The following MCF2 variants were observed in gnomAD, a reference collection of about 807,000 sequenced individuals.
MCF2 encodes the protein MCF.2 cell line derived transforming sequence.
In MCF2, 44 loss-of-function variants were observed where a neutral mutation model predicts 82.5. The ratio of observed to expected loss-of-function variants is 0.53; its 90% CI spans 0.42 to 0.69. MCF2 has a LOEUF of 0.69. MCF2 is among the 30% of genes least tolerant of loss of function. The pLI is 0.00. For synonymous variants in MCF2, 217 were observed against 224.9 expected, an observed-to-expected ratio of 0.96 and a Z score of 0.32; for missense variants, 623 against 663.1, an observed-to-expected ratio of 0.94 and a Z score of 0.66.
chrX:139,671,623 T>C (rs1350215175), intron 1 of MCF2, among the ~76,000 whole-genome samples: 1 of 111,704 alleles, frequency 9.0e-6, no homozygotes, highest in South Asian at 3.8e-4. Flanking sequence ...CAGATGGTTG[T>C]AGATGTCTGG....
exon 25 of MCF2, chrX:139,582,101 C>T: frequency 4.1e-6 from 1 of 241,082 alleles, no homozygotes; most frequent in South Asian, 6.6e-5. Context: ...CTTTACTTGA[C>T]CTTAGCCATT....
chrX:139,628,863 T>C lies in MCF2; in HGVS notation c.438+832A>G, dbSNP rs182759802. Among the ~76,000 whole-genome samples, 3 of 111,307 alleles carry C rather than the reference T, an allele frequency of 2.7e-5. No homozygotes were observed. In the East Asian group the frequency reaches 8.5e-4, roughly 32 times the overall value. ...CACAAAACAACACTCCACAAAGACCTGGATAGGAGAGCACAAACAATTTGC... is the reference window on the plus strand; with the variant it reads ...CACAAAACAACACTCCACAAAGACCCGGATAGGAGAGCACAAACAATTTGC... On this transcript the variant is annotated intron_variant, in intron 4 of 24. Coordinates refer to ENST00000370576, the Ensembl canonical transcript of MCF2.
At chrX:139,598,967 G>A (rs1369443668) in intron 16 of MCF2, among the ~76,000 whole-genome samples, 2 of 110,508 alleles carry the variant, frequency 1.8e-5, no homozygotes, top group African/African-American at 6.6e-5. Flanking sequence ...ATCAACTGGT[G>A]CTATACTTCA....
intron 1 of MCF2, among the ~76,000 whole-genome samples, chrX:139,699,835 G>A (rs996622420): frequency 2.2e-4 from 25 of 111,951 alleles, no homozygotes; most frequent in African/African-American, 2.9e-4. Flanking sequence ...TCCTGAGAAC[G>A]TTGTCATTTT....
At chrX:139,688,699 G>A (rs1417240749) in intron 1 of MCF2, among the ~76,000 whole-genome samples, 2 of 110,973 alleles carry the variant, frequency 1.8e-5, no homozygotes, top group South Asian at 3.9e-4. Flanking sequence ...ATCAGGTAAA[G>A]AAATGTGTGA....
intron 11 of MCF2, among the ~76,000 whole-genome samples, chrX:139,608,381 CAT>C (rs1569354782): frequency 4.5e-5 from 5 of 111,509 alleles, no homozygotes; most frequent in African/African-American, 1.6e-4. Flanking sequence ...CTCCCTGCCA[CAT>C]GTTAGTCGCT....
At chrX:139,611,094 T>G (rs764026494) in intron 10 of MCF2, among the ~76,000 whole-genome samples, 13 of 112,159 alleles carry the variant, frequency 1.2e-4, no homozygotes, top group Non-Finnish European at 2.1e-4. Flanking sequence ...GCCGAAGGCA[T>G]GGTCCAACCA....
At position 139,639,705 on chromosome X, in the gene MCF2, C is replaced by T. The variant is rs1603297608; in HGVS notation, c.51+2763G>A. Among the ~76,000 whole-genome samples, 4 of 112,043 alleles carry T rather than the reference C, an allele frequency of 3.6e-5. No individual in the cohort carries two copies. In the Admixed American group the frequency reaches 3.8e-4, roughly 11 times the overall value. On this transcript the variant is annotated intron_variant, in intron 1 of 24. Coordinates refer to ENST00000370576, the Ensembl canonical transcript of MCF2. ...GTCTAGAAATTAACCTTGTTTAATA[C>T]TCTTGTGTGTGCTCTCTAAGGGAGG...
rs760344891 is a variant in MCF2 at position 139,615,035 on chromosome X, T to C, written c.1209A>G (p.Ile403Met). The C allele has an allele frequency of 5.8e-6, 7 of 1,206,476 alleles. No individual in the cohort carries two copies. The South Asian group carries it at 1.2e-4, about 21-fold the overall frequency. ...TTCGAATGTTTTCAAGCTTGAGTTG[T>C]ATAGTCTTCATTTGAACCTGCGAGT... Residue 403 changes from isoleucine to methionine, a missense_variant, in exon 10 of 25, where the codon ATA (isoleucine) becomes ATG (methionine). Coordinates refer to ENST00000370576, the Ensembl canonical transcript of MCF2.
chrX:139,598,768 T>G (rs1256971307), intron 16 of MCF2, among the ~76,000 whole-genome samples: 3 of 111,995 alleles, frequency 2.7e-5, no homozygotes, highest in Non-Finnish European at 1.9e-5. Flanking sequence ...TGATGTGGAA[T>G]GCTTAAAAGG....
chrX:139,631,461 C>T lies in MCF2; in HGVS notation c.222G>A (p.Lys74=), dbSNP rs1932925291. ...TGCCGCCTAACTCAGGGGTTAATTGCTTGTCATCAATGTATGTCAGCAAAT... is the reference window on the plus strand; with the variant it reads ...TGCCGCCTAACTCAGGGGTTAATTGTTTGTCATCAATGTATGTCAGCAAAT... Residue 74 remains lysine, a synonymous_variant, in exon 3 of 25, where the codon AAG becomes AAA. Transcript: ENST00000370576. The T allele has an allele frequency of 3.3e-6, 4 of 1,207,075 alleles. No homozygotes were observed. In the Admixed American group the frequency reaches 6.5e-5, roughly 20 times the overall value.
At chrX:139,598,778 G>A (rs1003184423) in intron 16 of MCF2, among the ~76,000 whole-genome samples, 5 of 111,792 alleles carry the variant, frequency 4.5e-5, no homozygotes, top group African/African-American at 1.6e-4. Flanking sequence ...TGCTTAAAAG[G>A]TGTGAAAGCA....
At chrX:139,698,750 C>T (rs1233564829) in intron 1 of MCF2, among the ~76,000 whole-genome samples, 1 of 111,699 alleles carries the variant, frequency 9.0e-6, no homozygotes, top group Non-Finnish European at 1.9e-5. Context: ...ACAAAGAGGA[C>T]TTAGTATGTA....
At chrX:139,592,519 T>C (rs1301089266) in intron 19 of MCF2, among the ~76,000 whole-genome samples, 1 of 111,943 alleles carries the variant, frequency 8.9e-6, no homozygotes, top group Non-Finnish European at 1.9e-5. Context: ...AAAATGTACA[T>C]CAAATGCATT....
intron 1 of MCF2, among the ~76,000 whole-genome samples, chrX:139,699,186 G>A (rs1187415834): frequency 1.8e-5 from 2 of 112,165 alleles, no homozygotes; most frequent in African/African-American, 6.5e-5. Flanking sequence ...ACAAAATTCT[G>A]TAATTCTCAG....
At chrX:139,679,764 C>T (rs1165192490) in intron 1 of MCF2, among the ~76,000 whole-genome samples, 3 of 110,980 alleles carry the variant, frequency 2.7e-5, no homozygotes, top group Non-Finnish European at 3.8e-5. Context: ...CCTCCTGGGA[C>T]GCTTTCAGCA....
intron 1 of MCF2, among the ~76,000 whole-genome samples, chrX:139,696,511 C>T (rs1479446270): frequency 3.6e-5 from 4 of 111,357 alleles, no homozygotes; most frequent in Non-Finnish European, 7.5e-5. Context: ...GCAACCTCCA[C>T]CACCCGGGCT....
At chrX:139,639,759 G>A (rs1933454367) in intron 1 of MCF2, among the ~76,000 whole-genome samples, 1 of 111,611 alleles carries the variant, frequency 9.0e-6, no homozygotes, top group Admixed American at 9.5e-5. Flanking sequence ...ACACTTTTCA[G>A]TTATTCTAGT....
At chrX:139,686,306 T>A (rs1935122790) in intron 1 of MCF2, among the ~76,000 whole-genome samples, 1 of 111,267 alleles carries the variant, frequency 9.0e-6, no homozygotes, top group African/African-American at 3.3e-5. Flanking sequence ...GACATCCCAA[T>A]AGGAAGAGAG....
Sources: gnomAD v4.1 joint callset for allele counts (sites outside exome capture counted in the v4.1 genomes callset) on GRCh38, gnomAD v4.1.1 for gene constraint, MANE v1.5 for transcripts, NCBI Gene and HGNC (gene_info 2026-07-23, HGNC 2026-07-21) for gene names.